TEX11: variants seen among roughly 807,000 people sequenced by gnomAD.
TEX11 encodes testis expressed 11.
TEX11 carries 7 observed loss-of-function variants against 84.4 expected under a neutral mutation model. That is an observed-to-expected ratio of 0.08 (90% CI 0.05 to 0.16). TEX11 has a LOEUF of 0.16. TEX11 is among the 10% of genes least tolerant of loss of function. TEX11 has a pLI of 1.00. For missense variants in TEX11, 551 were observed against 660.5 expected (o/e 0.83, Z 1.82); for synonymous variants, 264 against 222.8 (o/e 1.18, Z -1.64).
At chrX:70,750,357 C>A (rs1193743328) in intron 9 of TEX11, among the ~76,000 whole-genome samples, 1 of 111,561 alleles carries the variant, frequency 9.0e-6, no homozygotes, top group East Asian at 2.8e-4. Flanking sequence ...TTGTGGAAGT[C>A]AGTGTGGTGA....
chrX:70,529,040 T>A lies in TEX11; in HGVS notation c.*55A>T. The A allele has an allele frequency of 4.9e-6, 5 of 1,014,032 alleles. No homozygotes were observed. The highest frequency in any genetic ancestry group is 6.9e-6 in the Non-Finnish European group (5 of 726,039). The allele number at this position is 1,014,032 out of a possible 1,213,427, so 83.6% of individuals were successfully genotyped here. A position where few individuals can be genotyped will look rare whatever the true frequency, so the allele number is the denominator to read the frequency against. ...GCTCAAGAGAAACTCTGGCAAAAAT[T>A]TAAACAGTCAGCATCTCGGGACAAT... On this transcript the variant is annotated 3_prime_UTR_variant, in exon 30 of 30. Transcript: ENST00000374333.
intron 13 of TEX11, among the ~76,000 whole-genome samples, chrX:70,713,834 C>T (rs750552105): frequency 1.8e-5 from 2 of 111,393 alleles, no homozygotes; most frequent in African/African-American, 3.3e-5. Context: ...CTTCTGTTAG[C>T]TTTTGCATGT....
At chrX:70,511,783 A>G in the TEX11 span, among the ~76,000 whole-genome samples, 1 of 103,487 alleles carries the variant, frequency 9.7e-6, no homozygotes, top group African/African-American at 3.6e-5. Flanking sequence ...AAAAGAAAAC[A>G]AAAGAAAAGA....
At chrX:70,699,929 A>C (rs778322626) in intron 13 of TEX11, among the ~76,000 whole-genome samples, 18 of 110,746 alleles carry the variant, frequency 1.6e-4, no homozygotes, top group Non-Finnish European at 2.6e-4. Flanking sequence ...ATCCACAGGA[A>C]ATTGCAAAAA....
intron 28 of TEX11, among the ~76,000 whole-genome samples, chrX:70,536,403 CAT>C (rs1303771033): frequency 9.0e-6 from 1 of 111,623 alleles, no homozygotes; most frequent in Non-Finnish European, 1.9e-5. Flanking sequence ...CAGAGGTATA[CAT>C]AATTAATTAA....
intron 25 of TEX11, among the ~76,000 whole-genome samples, chrX:70,565,607 C>T (rs1302210837): frequency 2.8e-4 from 31 of 110,909 alleles, no homozygotes; most frequent in Non-Finnish European, 1.3e-4. Flanking sequence ...GATCCAGTTT[C>T]AGCTTTCTAC....
chrX:70,547,149 T>C (rs990375951), intron 28 of TEX11, among the ~76,000 whole-genome samples: 10 of 110,122 alleles, frequency 9.1e-5, no homozygotes, highest in Admixed American at 4.9e-4. Context: ...ATTATATAAT[T>C]TCATTTATAT....
At position 70,839,860 on chromosome X, in the gene TEX11, G is replaced by A. The variant is rs781340401; in HGVS notation, c.526-6267C>T. Among the ~76,000 whole-genome samples the A allele has an allele frequency of 6.3e-5, 7 of 111,877 alleles. No individual in the cohort carries two copies. The East Asian group carries it at 8.4e-4, about 13-fold the overall frequency. On this transcript the variant is annotated intron_variant, in intron 7 of 29. Transcript: ENST00000374333. ...GATGAACGCAGAAGCCTCAGTAGCC[G>A]ATGCGATCAACTGGAAGAAAGGGTA...
chrX:70,744,911 G>T (rs1280139279), intron 9 of TEX11, among the ~76,000 whole-genome samples: 1 of 106,745 alleles, frequency 9.4e-6, no homozygotes, highest in African/African-American at 3.4e-5. Context: ...AGTAGAGATA[G>T]GGTTTCACCA....
At chrX:70,581,591 C>T (rs1422570988) in intron 25 of TEX11, among the ~76,000 whole-genome samples, 1 of 110,899 alleles carries the variant, frequency 9.0e-6, no homozygotes, top group African/African-American at 3.3e-5. Flanking sequence ...AGCCACCGCG[C>T]CTGGTCCTAT....
intron 13 of TEX11, among the ~76,000 whole-genome samples, chrX:70,712,770 A>G (rs1246679514): frequency 1.4e-4 from 15 of 110,556 alleles, no homozygotes; most frequent in Non-Finnish European, 2.7e-4. Flanking sequence ...TTCCTAATTG[A>G]ATACCCTTTA....
At chrX:70,610,368 T>C (rs973962172) in intron 21 of TEX11, 135 bp downstream of exon 21, 1 of 548,614 alleles carries the variant, frequency 1.8e-6, no homozygotes, top group African/African-American at 2.3e-5. Flanking sequence ...AATAGATTCC[T>C]GTGGCAAAGA....
At chrX:70,578,963 G>A (rs1190523854) in intron 25 of TEX11, among the ~76,000 whole-genome samples, 6 of 106,826 alleles carry the variant, frequency 5.6e-5, no homozygotes, top group African/African-American at 1.7e-4. Flanking sequence ...GTAGAGACAG[G>A]GTTTCGCCAT....
chrX:70,556,353 CCT>C (rs1405870939), intron 25 of TEX11, among the ~76,000 whole-genome samples: 1 of 110,611 alleles, frequency 9.0e-6, no homozygotes, highest in East Asian at 2.8e-4. Context: ...CCTAATTTCC[CCT>C]GTCACTTCCT....
rs781341128 is a variant in TEX11 at position 70,714,395 on chromosome X, T to C, written c.1004+8223A>G. 3.4e-4 allele frequency among the ~76,000 whole-genome samples: 38 copies of C among 111,489 alleles called. No individual in the cohort carries two copies. The South Asian group carries it at 0.014, about 42-fold the overall frequency. Reference sequence around the variant, plus strand: ...CTGTCTAATGTTGACAGTGGGGTGTTAAAGTCTCCCATTATTATTGTGTGG... The same window carrying C: ...CTGTCTAATGTTGACAGTGGGGTGTCAAAGTCTCCCATTATTATTGTGTGG... On this transcript the variant is annotated intron_variant, in intron 13 of 29. Coordinates refer to ENST00000374333, the MANE Select transcript of TEX11 (RefSeq NM_031276.3).
Position 70,663,548 on chromosome X carries a change from G to A in TEX11, c.1380+6829C>T, listed in dbSNP as rs142147818. Among the ~76,000 whole-genome samples the A allele has an allele frequency of 5.4e-3, 603 of 111,297 alleles. 2 individuals carry two copies. The highest frequency in any genetic ancestry group is 0.018 in the African/African-American group (552 of 30,622). ...TTTTAGTGCTCTCACCATCCTCAGT[G>A]CCTTCCTCTTGGCACACTTGGGTTT... On this transcript the variant is annotated intron_variant, in intron 16 of 29. Coordinates refer to ENST00000374333, the MANE Select transcript of TEX11 (RefSeq NM_031276.3).
chrX:70,770,906 A>C (rs1037397216), intron 9 of TEX11, among the ~76,000 whole-genome samples: 2 of 111,152 alleles, frequency 1.8e-5, no homozygotes, highest in African/African-American at 6.5e-5. Context: ...TCAAGAAAAA[A>C]AACTATTCCT....
intron 17 of TEX11, among the ~76,000 whole-genome samples, chrX:70,648,617 A>G (rs2089775984): frequency 9.0e-6 from 1 of 111,611 alleles, no homozygotes; most frequent in Admixed American, 9.5e-5. Context: ...CCAAAAACAT[A>G]CATGGTTTAA....
chrX:70,703,926 G>A (rs1352930610), intron 13 of TEX11, among the ~76,000 whole-genome samples: 15 of 111,453 alleles, frequency 1.3e-4, no homozygotes. Flanking sequence ...CAAATCTCAC[G>A]TTCGATTGTA....
Sources: gnomAD v4.1 joint callset for allele counts (sites outside exome capture counted in the v4.1 genomes callset) on GRCh38, gnomAD v4.1.1 for gene constraint, MANE v1.5 for transcripts, NCBI Gene and HGNC (gene_info 2026-07-23, HGNC 2026-07-21) for gene names.